CPSF3: variants seen among roughly 807,000 people sequenced by gnomAD.
CPSF3 encodes cleavage and polyadenylation specific factor 3.
A neutral mutation model predicts 84.1 loss-of-function variants in CPSF3; 57 were observed. The ratio of observed to expected loss-of-function variants is 0.68; its 90% CI spans 0.55 to 0.85. The LOEUF is 0.85. CPSF3 is among the 40% of genes least tolerant of loss of function. The probability of loss-of-function intolerance (pLI) is 0.00; values close to 1 mark genes in which losing one functional copy is unlikely to be tolerated. For missense variants in CPSF3, 522 were observed against 838.8 expected, an observed-to-expected ratio of 0.62 and a Z score of 4.66; for synonymous variants, 275 against 278.1, an observed-to-expected ratio of 0.99 and a Z score of 0.11.
At chr2:9,464,326 A>C (rs1483302154) in intron 15 of CPSF3, among the ~76,000 whole-genome samples, 1 of 152,136 alleles carries the variant, frequency 6.6e-6, no homozygotes, top group Non-Finnish European at 1.5e-5. Context: ...GTTTGTCTAA[A>C]TATTAATGCA....
intron 6 of CPSF3, 68 bp downstream of exon 6, chr2:9,434,028 T>C: frequency 1.2e-6 from 1 of 853,710 alleles, no homozygotes. Context: ...TGGAAAATAA[T>C]ACTGTGATCT....
At chr2:9,457,945 G>C (rs1178055533) in intron 14 of CPSF3, among the ~76,000 whole-genome samples, 1 of 151,926 alleles carries the variant, frequency 6.6e-6, no homozygotes, top group Admixed American at 6.6e-5. Context: ...AGTTAGAGAT[G>C]GGGTTTCACC....
chr2:9,428,601 T>G (rs1680472099), intron 1 of CPSF3, among the ~76,000 whole-genome samples, 164 bp from the exon 2 acceptor site: 1 of 152,200 alleles, frequency 6.6e-6, no homozygotes, highest in Admixed American at 6.5e-5. Flanking sequence ...GACACTGTTC[T>G]TCCCTGTCTT....
At chr2:9,466,352 G>GCGCA (rs1244798270) in intron 15 of CPSF3, among the ~76,000 whole-genome samples, 6 of 129,150 alleles carry the variant, frequency 4.6e-5, no homozygotes, top group East Asian at 2.2e-4. Context: ...GCGCGCGCGC[G>GCGCA]CACACACACA....
At chr2:9,427,143 T>C (rs1320922736) in intron 1 of CPSF3, among the ~76,000 whole-genome samples, 1 of 152,162 alleles carries the variant, frequency 6.6e-6, no homozygotes, top group Admixed American at 6.5e-5. Context: ...GAGGAAAATG[T>C]CAATGACACA....
chr2:9,445,308 G>A (rs562062473), intron 10 of CPSF3, among the ~76,000 whole-genome samples: 14 of 152,256 alleles, frequency 9.2e-5, no homozygotes, highest in African/African-American at 2.4e-4. Context: ...ACTTCATGCC[G>A]AAGTCATGGT....
In CPSF3 at chr2:9,430,872, C is replaced by T. The variant is rs754231925; in HGVS notation, c.333C>T (p.Val111=). 3 of 1,611,658 alleles carry T rather than the reference C, an allele frequency of 1.9e-6. No individual in the cohort carries two copies. The highest frequency in any genetic ancestry group is 2.5e-6 in the Non-Finnish European group (3 of 1,178,172). Residue 111 remains valine (V), a synonymous_variant, in exon 4 of 18, where the codon GTC becomes GTT. Transcript: ENST00000238112. ...ATAGATGGCTTCTTTCTGATTATGT[C>T]AAAGTTAGGTAAATTACTTTATTAG... ...AIYRWLLSDY[V]KVSNISADDM...
chr2:9,446,396 C>T (rs185746519), intron 10 of CPSF3, among the ~76,000 whole-genome samples: 80 of 152,032 alleles, frequency 5.3e-4, no homozygotes, highest in African/African-American at 1.9e-3. Flanking sequence ...CTGGCTAACA[C>T]GGTGAAACCC....
At chr2:9,457,147 ATGTGTGTGTGTGTGTGTGTGTGTGTGTG>A in intron 14 of CPSF3, 120 bp downstream of exon 14, 1 of 332,752 alleles carries the variant, frequency 3.0e-6, no homozygotes, top group African/African-American at 2.3e-5. Flanking sequence ...TGGAAAGTAT[ATGTGTGTGTGTGTGTGTGTGTGTGTGTG>A]TGTGTGTGTG....
chr2:9,428,555 G>C (rs1385962620), intron 1 of CPSF3, among the ~76,000 whole-genome samples: 1 of 152,138 alleles, frequency 6.6e-6, no homozygotes, highest in African/African-American at 2.4e-5. Context: ...AAGATCCCTG[G>C]ACTCCCAAGG....
chr2:9,439,420 C>T (rs1223950352), intron 7 of CPSF3, among the ~76,000 whole-genome samples: 5 of 144,110 alleles, frequency 3.5e-5, no homozygotes, highest in Admixed American at 2.9e-4. Flanking sequence ...TTGCAGTGAG[C>T]GGAGATCGCG....
At chr2:9,470,086 G>A (rs949960064) in intron 16 of CPSF3, among the ~76,000 whole-genome samples, 3 of 152,070 alleles carry the variant, frequency 2.0e-5, no homozygotes, top group Non-Finnish European at 4.4e-5. Context: ...AGCCAGGTGT[G>A]GTGGTGGGTG....
At chr2:9,453,954 C>T (rs1410546362) in intron 12 of CPSF3, among the ~76,000 whole-genome samples, 1 of 151,944 alleles carries the variant, frequency 6.6e-6, no homozygotes, top group Non-Finnish European at 1.5e-5. Flanking sequence ...TGCTTTTTTC[C>T]CATAGTTGAT....
At chr2:9,451,750 C>T (rs2124842032) in intron 11 of CPSF3, among the ~76,000 whole-genome samples, 1 of 146,900 alleles carries the variant, frequency 6.8e-6, no homozygotes, top group South Asian at 2.2e-4. Flanking sequence ...AAAAGTCTCG[C>T]TCTGTCTCCA....
At chr2:9,434,368 CAA>C (rs752334444) in intron 6 of CPSF3, among the ~76,000 whole-genome samples, 2 of 137,220 alleles carry the variant, frequency 1.5e-5, no homozygotes, top group African/African-American at 2.7e-5. Context: ...GACTCAGTCT[CAA>C]AAAAAAAAAA....
At chr2:9,425,019 CTG>C (rs1440560926) in intron 1 of CPSF3, 2 of 152,160 alleles carry the variant, frequency 1.3e-5, no homozygotes, top group African/African-American at 4.8e-5. Flanking sequence ...GCACTGAGCA[CTG>C]TGAAAGTATG....
chr2:9,432,799 C>T (rs34003003), intron 5 of CPSF3, 111 bp downstream of exon 5: 255,831 of 747,576 alleles, frequency 0.34, 48,750 homozygotes, highest in Non-Finnish European at 0.39. Flanking sequence ...TGTCAGAACA[C>T]GGAAACATAA....
chr2:9,469,034 A>G (rs1231773723), intron 16 of CPSF3, among the ~76,000 whole-genome samples: 2 of 152,266 alleles, frequency 1.3e-5, no homozygotes, highest in East Asian at 1.9e-4. Context: ...CTGTGTTGTC[A>G]TTTTGATTTT....
At chr2:9,472,161 A>G (rs1682192575) in intron 17 of CPSF3, among the ~76,000 whole-genome samples, 1 of 151,754 alleles carries the variant, frequency 6.6e-6, no homozygotes, top group Admixed American at 6.6e-5. Flanking sequence ...TAAAAATACA[A>G]AAATTACCCA....
Sources: gnomAD v4.1 joint callset for allele counts (sites outside exome capture counted in the v4.1 genomes callset) on GRCh38, gnomAD v4.1.1 for gene constraint, MANE v1.5 for transcripts, NCBI Gene and HGNC (gene_info 2026-07-23, HGNC 2026-07-21) for gene names.